Variants in ACTN1 observed in about 807,000 individuals in gnomAD.
The protein encoded by ACTN1 is actinin alpha 1.
In ACTN1, 30 loss-of-function variants were observed where a neutral mutation model predicts 119.6. The ratio of observed to expected loss-of-function variants is 0.25; its 90% CI spans 0.19 to 0.34. The LOEUF (loss-of-function observed/expected upper bound fraction) is 0.34, where lower values mean the gene tolerates loss of function less well. Ranked by LOEUF, ACTN1 falls within the 10% of genes least tolerant of loss-of-function variation. The pLI is 1.00. For missense variants in ACTN1, 764 were observed against 1,223.4 expected (o/e 0.62, Z 5.60); for synonymous variants, 429 against 472.6 (o/e 0.91, Z 1.20).
intron 8 of ACTN1, among the ~76,000 whole-genome samples, chr14:68,901,238 GT>G (rs1345184230): frequency 8.2e-5 from 10 of 121,522 alleles, no homozygotes; most frequent in African/African-American, 2.9e-4. Flanking sequence ...GTTTTGTTTT[GT>G]TTTTGTTTTG....
Position 68,892,240 on chromosome 14 carries a change from C to T in ACTN1, c.899G>A (p.Arg300Gln), listed in dbSNP as rs2032549096. ...IRRTIPWLENRVPENTMHAMQ... is the reference protein window; with the variant it reads ...IRRTIPWLENQVPENTMHAMQ... The stretch of plus-strand genomic sequence containing the variant: ...GGCATGCATGGTGTTCTCGGGCACC[C>T]GGTTCTCCAGCCACGGGATTGTGCG... Residue 300 changes from arginine to glutamine, a missense_variant, in exon 10 of 22, where the codon CGG becomes CAG. Physicochemically the swap from Arg to Gln is conservative, Grantham distance 43 (BLOSUM62 1). Transcript: ENST00000394419. 9 of 1,614,034 alleles carry T rather than the reference C, an allele frequency of 5.6e-6. No homozygotes were observed. The highest frequency in any genetic ancestry group is 1.1e-5 in the South Asian group (1 of 91,068).
At chr14:68,947,661 C>T (rs3784140) in intron 1 of ACTN1, 19,770 of 152,328 alleles carry the variant, frequency 0.13, 1,510 homozygotes, top group East Asian at 0.25. Context: ...CTCCCCCAAG[C>T]CTGGACAGGC....
intron 14 of ACTN1, among the ~76,000 whole-genome samples, chr14:68,883,912 T>C (rs543950091): frequency 9.8e-5 from 15 of 152,338 alleles, no homozygotes; most frequent in African/African-American, 3.4e-4. Flanking sequence ...GTCAAATTCT[T>C]ACCTTTGGGG....
rs535085999 is a variant in ACTN1 at position 68,937,260 on chromosome 14, T to C, written c.106-11588A>G. Among the ~76,000 whole-genome samples, 4 of 152,242 alleles carry C rather than the reference T, an allele frequency of 2.6e-5. No homozygotes were observed. In the East Asian group the frequency reaches 7.7e-4, roughly 29 times the overall value. On this transcript the variant is annotated intron_variant, in intron 1 of 21. Transcript: ENST00000394419. ...AAAAAAAAAAGAAAAAAGAAAAGTC[T>C]GTCTGGGAATATATACATTTAATTG... is the stretch of plus-strand genomic sequence containing the variant.
In ACTN1 at chr14:68,879,094, C is replaced by T. The variant is rs759510599; in HGVS notation, c.2281-25G>A. 29 of 1,565,338 alleles carry T rather than the reference C, an allele frequency of 1.9e-5. No homozygotes were observed. Among genetic ancestry groups the T allele is most frequent in the Admixed American group, 1.2e-4 (7 of 57,834 alleles). On this transcript the variant is annotated intron_variant, in intron 18 of 21. Coordinates refer to ENST00000394419, the MANE Select transcript of ACTN1 (RefSeq NM_001130004.2). The surrounding 1 kb of genome is among the most constrained non-coding windows in gnomAD (Gnocchi z 4.9). The stretch of plus-strand genomic sequence containing the variant: ...CCTGGGGCCGCGGTGCGCCAGGCAG[C>T]GAGCCATGCGGTGTCAGGGAGGTGG...
At position 68,909,448 on chromosome 14, in the gene ACTN1, CG is replaced by C. The variant is rs775232011; in HGVS notation, c.516-53del. The C allele has an allele frequency of 2.3e-5, 36 of 1,588,584 alleles. No individual in the cohort carries two copies. Among genetic ancestry groups the C allele is most frequent in the Non-Finnish European group, 3.1e-5 (36 of 1,159,256 alleles). On this transcript the variant is annotated intron_variant, in intron 5 of 21. Transcript: ENST00000394419. This position sits in a 1 kb window ranked among gnomAD's most constrained non-coding sequence, Gnocchi z 4.1. ...AGGCTGGTAAATGAGGCTGAACAAA[CG>C]GGCAACCAGGGCAAAGCAGGGGCCT...
chr14:68,979,071 G>T lies in ACTN1; in HGVS notation c.-15C>A. The T allele has an allele frequency of 1.9e-6, 3 of 1,553,190 alleles. No homozygotes were observed. The highest frequency in any genetic ancestry group is 2.6e-6 in the Non-Finnish European group (3 of 1,135,304). On this transcript the variant is annotated 5_prime_UTR_variant, in exon 1 of 22. Coordinates refer to ENST00000394419, the MANE Select transcript of ACTN1 (RefSeq NM_001130004.2). ...TAATGGTCCATGATGGTGCGCGCGT[G>T]CTAGGGTCTGGATTTCTTCCTCCAC...
In ACTN1 at chr14:68,925,724, C is replaced by G. The variant is rs2034890022; in HGVS notation, c.106-52G>C. ...GTCAGGGGGCTGGTGTTGTCACCCT[C>G]ATTGGACAAGCCATTTAATGGTGCC... On this transcript the variant is annotated intron_variant, in intron 1 of 21. Coordinates refer to ENST00000394419, the MANE Select transcript of ACTN1 (RefSeq NM_001130004.2). This position sits in a 1 kb window ranked among gnomAD's most constrained non-coding sequence, Gnocchi z 4.3. The G allele has an allele frequency of 6.7e-7, 1 of 1,482,982 alleles. No individual in the cohort carries two copies. The highest frequency in any genetic ancestry group is 1.2e-5 in the South Asian group (1 of 84,572). The allele number at this position is 1,482,982 out of a possible 1,614,324, so 91.9% of individuals were successfully genotyped here.
intron 21 of ACTN1, among the ~76,000 whole-genome samples, chr14:68,876,195 C>T (rs2140033338): frequency 1.3e-5 from 2 of 152,186 alleles, no homozygotes; most frequent in Admixed American, 1.3e-4. Flanking sequence ...ACAAGGTTTT[C>T]CCATGTTGGC....
At chr14:68,921,310 G>A (rs1024325339) in intron 2 of ACTN1, 185 bp from the exon 3 acceptor site, 23 of 624,900 alleles carry the variant, frequency 3.7e-5, no homozygotes, top group African/African-American at 3.6e-4. Context: ...GGGAATGAGA[G>A]GGAGAATCTA....
At position 68,878,088 on chromosome 14, in the gene ACTN1, T is replaced by G; in HGVS notation, c.2427+370A>C. The G allele has an allele frequency of 5.0e-6, 1 of 199,826 alleles. No homozygotes were observed. The highest frequency in any genetic ancestry group is 1.0e-5 in the Non-Finnish European group (1 of 97,662). The allele number at this position is 199,826 out of a possible 1,614,324, so 12.4% of individuals were successfully genotyped here. A position where few individuals can be genotyped will look rare whatever the true frequency, so the allele number is the denominator to read the frequency against. On this transcript the variant is annotated intron_variant, in intron 20 of 21. Transcript: ENST00000394419. This position sits in a 1 kb window ranked among gnomAD's most constrained non-coding sequence, Gnocchi z 4.4. ...ACCAGAGTCACCGCCAGGACAGAGG[T>G]GGAAGTCTCGGTTTCCATGCTCCAT...
At chr14:68,943,664 C>T (rs1016067743) in intron 1 of ACTN1, among the ~76,000 whole-genome samples, 1 of 152,178 alleles carries the variant, frequency 6.6e-6, no homozygotes, top group African/African-American at 2.4e-5. Context: ...CCTAGGGTTG[C>T]TCAAAGATGT....
chr14:68,941,120 A>T (rs57325880), intron 1 of ACTN1, among the ~76,000 whole-genome samples: 31,539 of 152,154 alleles, frequency 0.21, 3,396 homozygotes, highest in African/African-American at 0.23. Flanking sequence ...GCACCTCTTT[A>T]AAAGGGGCAT....
intron 1 of ACTN1, 40 bp downstream of exon 1, chr14:68,978,912 T>C: frequency 7.2e-7 from 1 of 1,390,650 alleles, no homozygotes; most frequent in Non-Finnish European, 9.8e-7. Flanking sequence ...GGCTGGGGGC[T>C]GGGGGCTGGG....
chr14:68,942,314 G>A (rs1327900833), intron 1 of ACTN1, among the ~76,000 whole-genome samples: 1 of 152,102 alleles, frequency 6.6e-6, no homozygotes, highest in Admixed American at 6.5e-5. Context: ...CAGGGAGGTC[G>A]AGGCTGCAGT....
chr14:68,936,662 G>C lies in ACTN1; in HGVS notation c.106-10990C>G, dbSNP rs930305910. Reference sequence around the variant, plus strand: ...AGAGCCCATGGGGGAAGAGCCAGTGGGGAGCCTGGCCGGGTGAAGTCCTGG... The same window carrying C: ...AGAGCCCATGGGGGAAGAGCCAGTGCGGAGCCTGGCCGGGTGAAGTCCTGG... On this transcript the variant is annotated intron_variant, in intron 1 of 21. Transcript: ENST00000394419. 72 of 625,440 alleles carry C rather than the reference G, an allele frequency of 1.2e-4. No homozygotes were observed. In the African/African-American group the frequency reaches 1.2e-3, roughly 10 times the overall value. 38.7% of individuals were successfully genotyped at this position (625,440 alleles called of 1,614,324 possible).
chr14:68,897,593 C>T (rs1480161388), intron 8 of ACTN1, among the ~76,000 whole-genome samples: 4 of 152,218 alleles, frequency 2.6e-5, no homozygotes, highest in South Asian at 2.1e-4. Context: ...CCACCCACAA[C>T]CCACAGATTC....
At chr14:68,946,479 T>TA (rs2035948945) in intron 1 of ACTN1, among the ~76,000 whole-genome samples, 1 of 151,682 alleles carries the variant, frequency 6.6e-6, no homozygotes, top group Admixed American at 6.6e-5. Flanking sequence ...CCCAGCCCAA[T>TA]AAAAAAGGCA....
chr14:68,957,114 C>T (rs949023691), intron 1 of ACTN1, among the ~76,000 whole-genome samples: 9 of 152,182 alleles, frequency 5.9e-5, no homozygotes, highest in Non-Finnish European at 1.2e-4. Flanking sequence ...TCCACAGCCC[C>T]TGGAAATTGG....
Sources: gnomAD v4.1 joint callset for allele counts (sites outside exome capture counted in the v4.1 genomes callset) on GRCh38, gnomAD v4.1.1 for gene constraint, Gnocchi (gnomAD v3.1) non-coding constraint, MANE v1.5 for transcripts, NCBI Gene and HGNC (gene_info 2026-07-23, HGNC 2026-07-21) for gene names.